Variants in RECK observed in about 807,000 individuals in gnomAD.
RECK encodes the protein reversion-inducing cysteine-rich protein with Kazal motifs.
A neutral mutation model predicts 115.1 loss-of-function variants in RECK; 69 were observed. The observed-to-expected ratio is 0.60, with a 90% CI of 0.49 to 0.73. The LOEUF (loss-of-function observed/expected upper bound fraction) is 0.73, where lower values mean the gene tolerates loss of function less well. RECK is among the 30% of genes least tolerant of loss of function. The pLI is 0.00. For missense variants in RECK, 1,047 were observed against 1,203.7 expected (o/e 0.87, Z 1.93); for synonymous variants, 414 against 419.7 (o/e 0.99, Z 0.17).
At chr9:36,114,202 G>A (rs1312536061) in intron 16 of RECK, among the ~76,000 whole-genome samples, 2 of 152,192 alleles carry the variant, frequency 1.3e-5, no homozygotes, top group Non-Finnish European at 2.9e-5. Context: ...AACTCAGTCC[G>A]TTGGCCATAA....
chr9:36,069,499 A>G (rs917170823), intron 6 of RECK, among the ~76,000 whole-genome samples: 22 of 149,682 alleles, frequency 1.5e-4, no homozygotes, highest in Middle Eastern at 3.4e-3. Flanking sequence ...AAAAAAAAAA[A>G]GAAGAGCAAG....
intron 17 of RECK, 87 bp downstream of exon 17, chr9:36,117,264 C>CT: frequency 5.6e-6 from 6 of 1,070,212 alleles, no homozygotes; most frequent in Non-Finnish European, 8.0e-6. Context: ...GTAAGACCAG[C>CT]CGAGGGTCTT....
At chr9:36,049,262 T>C (rs1821190383) in intron 1 of RECK, among the ~76,000 whole-genome samples, 1 of 152,142 alleles carries the variant, frequency 6.6e-6, no homozygotes. Context: ...TTGATTGAAT[T>C]ATTGGTCATA....
chr9:36,091,061 C>A, intron 9 of RECK, 103 bp from the exon 10 acceptor site: 1 of 989,656 alleles, frequency 1.0e-6, no homozygotes, highest in Non-Finnish European at 1.5e-6. Flanking sequence ...TTTTTTCTCA[C>A]ATACGTTCCA....
chr9:36,066,964 ATTT>A, intron 6 of RECK: 1 of 759,602 alleles, frequency 1.3e-6, no homozygotes, highest in Non-Finnish European at 1.9e-6. Flanking sequence ...TTAAGCAACC[ATTT>A]TCCAAAAATC....
intron 16 of RECK, among the ~76,000 whole-genome samples, chr9:36,114,861 A>C (rs906107045): frequency 1.3e-5 from 2 of 151,812 alleles, no homozygotes; most frequent in African/African-American, 4.8e-5. Context: ...AAACAAAACA[A>C]AACAAAAAAC....
Position 36,120,691 on chromosome 9 carries a change from G to A in RECK, c.2493G>A (p.Met831Ile). The A allele has an allele frequency of 6.2e-7, 1 of 1,613,544 alleles. No homozygotes were observed. Among genetic ancestry groups the A allele is most frequent in the Non-Finnish European group, 8.5e-7 (1 of 1,179,472 alleles). Residue 831 changes from methionine to isoleucine, a missense_variant, in exon 19 of 21, where the codon ATG becomes ATA. Physicochemically the swap from Met to Ile is conservative, Grantham distance 10. Coordinates refer to ENST00000377966, the MANE Select transcript of RECK (RefSeq NM_021111.3). ...PGACCPLCAG[M>I]LRVLFDKEKL... ...CTTGTTGCCCATTATGTGCTGGGAT[G>A]TTAAGAGTTTTATTTGACAAAGAAA... is the stretch of plus-strand genomic sequence containing the variant.
Position 36,112,373 on chromosome 9 carries a change from G to C in RECK, c.1957G>C (p.Ala653Pro), listed in dbSNP as rs760636740. Residue 653 changes from alanine (A) to proline (P), a missense_variant, in exon 16 of 21, where the codon GCC (alanine) becomes CCC (proline). Physicochemically the swap from Ala to Pro is conservative, Grantham distance 27 (BLOSUM62 -1). Coordinates refer to ENST00000377966, the MANE Select transcript of RECK (RefSeq NM_021111.3). ...GCAGAATGGGCGCACTTACCCCAGT[G>C]CCTGCATTGCTCGCTGTGTGGGCCT... ...CGQNGRTYPS[A>P]CIARCVGLQD... 3 of 1,613,802 alleles carry C rather than the reference G, an allele frequency of 1.9e-6. No homozygotes were observed. Among genetic ancestry groups the C allele is most frequent in the South Asian group, 1.1e-5 (1 of 91,070 alleles).
chr9:36,090,144 A>G (rs556582609), intron 9 of RECK, among the ~76,000 whole-genome samples: 120 of 152,110 alleles, frequency 7.9e-4, no homozygotes, highest in Non-Finnish European at 1.5e-3. Context: ...TGACAGAGTG[A>G]GACTCTGTCT....
At chr9:36,102,073 T>TA (rs772291340) in intron 11 of RECK, 21 bp from the exon 12 acceptor site, 2 of 1,608,672 alleles carry the variant, frequency 1.2e-6, no homozygotes, top group South Asian at 1.1e-5. Flanking sequence ...GCTCTAAACT[T>TA]ACGTGCATTT....
At chr9:36,076,420 A>T (rs1822454149) in intron 6 of RECK, among the ~76,000 whole-genome samples, 1 of 152,212 alleles carries the variant, frequency 6.6e-6, no homozygotes, top group Non-Finnish European at 1.5e-5. Flanking sequence ...CCAAAAGGAA[A>T]ACCAGTGTGG....
At chr9:36,048,126 A>AAT (rs56726335) in intron 1 of RECK, among the ~76,000 whole-genome samples, 10,810 of 114,662 alleles carry the variant, frequency 0.094, 621 homozygotes, top group East Asian at 0.11. Flanking sequence ...ACACAGGTTG[A>AAT]ATATATATAT....
intron 11 of RECK, among the ~76,000 whole-genome samples, chr9:36,101,710 G>A (rs1442521589): frequency 6.6e-6 from 1 of 151,832 alleles, no homozygotes; most frequent in Non-Finnish European, 1.5e-5. Context: ...AAGAGACTTA[G>A]ATAAGGAAGG....
intron 10 of RECK, among the ~76,000 whole-genome samples, chr9:36,097,097 G>A (rs1823376327): frequency 6.6e-6 from 1 of 152,172 alleles, no homozygotes; most frequent in Non-Finnish European, 1.5e-5. Context: ...GCCGAGGCAG[G>A]TGGATCACTT....
chr9:36,117,512 A>G (rs1824308839), intron 17 of RECK, among the ~76,000 whole-genome samples: 5 of 152,196 alleles, frequency 3.3e-5, no homozygotes, highest in Non-Finnish European at 7.3e-5. Context: ...CCTCACTAAG[A>G]AACAAAGCAG....
intron 6 of RECK, among the ~76,000 whole-genome samples, chr9:36,078,232 G>A (rs558097957): frequency 6.6e-6 from 1 of 152,288 alleles, no homozygotes; most frequent in Non-Finnish European, 1.5e-5. Flanking sequence ...CTAGGCCTTG[G>A]CCTCTGACTT....
intron 7 of RECK, among the ~76,000 whole-genome samples, chr9:36,082,186 C>CTCTCTCTCTCTCTCTT (rs1822740035): frequency 6.7e-6 from 1 of 148,510 alleles, no homozygotes; most frequent in African/African-American, 2.6e-5. Flanking sequence ...CTCTCTCTCT[C>CTCTCTCTCTCTCTCTT]TCCTTTTTTC....
intron 16 of RECK, 76 bp downstream of exon 16, chr9:36,112,552 A>G: frequency 6.9e-7 from 1 of 1,453,416 alleles, no homozygotes; most frequent in Non-Finnish European, 9.6e-7. Context: ...CCAGACAGTG[A>G]AAACAGAAAG....
chr9:36,047,105 C>T (rs765149473), intron 1 of RECK, among the ~76,000 whole-genome samples: 7 of 152,150 alleles, frequency 4.6e-5, no homozygotes, highest in Admixed American at 1.3e-4. Flanking sequence ...CCTTTGCTTA[C>T]GACCAGCAGG....
Sources: gnomAD v4.1 joint callset for allele counts (sites outside exome capture counted in the v4.1 genomes callset) on GRCh38, gnomAD v4.1.1 for gene constraint, MANE v1.5 for transcripts, NCBI Gene and HGNC (gene_info 2026-07-23, HGNC 2026-07-21) for gene names.